The following DNMT1 variants were observed in gnomAD, a reference collection of about 807,000 sequenced individuals.
The protein encoded by DNMT1 is DNA methyltransferase 1, also known as DNA (cytosine-5)-methyltransferase 1.
Under a neutral mutation model 205.3 loss-of-function variants are expected in DNMT1, and 24 were observed. That is an observed-to-expected ratio of 0.12 (90% CI 0.08 to 0.16). DNMT1 has a LOEUF of 0.16. Ranked by LOEUF, DNMT1 falls within the 10% of genes least tolerant of loss-of-function variation. DNMT1 has a pLI of 1.00. For synonymous variants in DNMT1, 817 were observed against 839.8 expected (o/e 0.97, Z 0.47); for missense variants, 1,293 against 2,177.7 (o/e 0.59, Z 8.09).
rs536078563 is a variant in DNMT1, at chr19:10,145,905, TG to T, written c.2894+445del. On this transcript the variant is annotated intron_variant, in intron 28 of 40. Transcript: ENST00000359526. Reference sequence around the variant, plus strand: ...GTGCAGTGGCATGATCTTGGCTCACTGCAACCTCTGCCTCCCAGGTTCAAGT... The same window carrying T: ...GTGCAGTGGCATGATCTTGGCTCACTCAACCTCTGCCTCCCAGGTTCAAGT... Among the ~76,000 whole-genome samples, 222 of 152,306 alleles carry T rather than the reference TG, an allele frequency of 1.5e-3. 1 individual carries two copies. Among genetic ancestry groups the T allele is most frequent in the African/African-American group, 5.1e-3 (211 of 41,576 alleles).
At chr19:10,172,129 T>TA (rs2038832225) in intron 9 of DNMT1, among the ~76,000 whole-genome samples, 1 of 151,946 alleles carries the variant, frequency 6.6e-6, no homozygotes, top group African/African-American at 2.4e-5. Flanking sequence ...TTGAAAAGTA[T>TA]TTTAGGCCGG....
chr19:10,168,455 T>C, intron 9 of DNMT1, 91 bp from the exon 10 acceptor site: 1 of 1,350,980 alleles, frequency 7.4e-7, no homozygotes, highest in Non-Finnish European at 1.1e-6. Flanking sequence ...ACACCTGAAC[T>C]GATTCTAGAG....
chr19:10,146,237 G>T lies in DNMT1; in HGVS notation c.2894+114C>A. On this transcript the variant is annotated intron_variant, in intron 28 of 40. Coordinates refer to ENST00000359526, the MANE Select transcript of DNMT1 (RefSeq NM_001130823.3). The surrounding 1 kb of genome is among the most constrained non-coding windows in gnomAD (Gnocchi z 4.4). Reference sequence around the variant, plus strand: ...GCCACCTATGCCAACGTGACGGCTAGGACAACAGCTGGTGCGGAGGGATTG... The same window carrying T: ...GCCACCTATGCCAACGTGACGGCTATGACAACAGCTGGTGCGGAGGGATTG... The T allele has an allele frequency of 7.6e-7, 1 of 1,308,642 alleles. No individual in the cohort carries two copies. Among genetic ancestry groups the T allele is most frequent in the Non-Finnish European group, 1.1e-6 (1 of 945,064 alleles). 81.1% of individuals were successfully genotyped at this position (1,308,642 alleles called of 1,614,324 possible).
chr19:10,139,340 A>G (rs2089556232), intron 34 of DNMT1, among the ~76,000 whole-genome samples: 1 of 152,214 alleles, frequency 6.6e-6, no homozygotes, highest in Non-Finnish European at 1.5e-5. Context: ...CGCTCTGTGC[A>G]GACTCAGCCA....
At chr19:10,161,302 T>A (rs1163087653) in intron 13 of DNMT1, among the ~76,000 whole-genome samples, 1 of 150,252 alleles carries the variant, frequency 6.7e-6, no homozygotes, top group Non-Finnish European at 1.5e-5. Flanking sequence ...AGACTCTGTC[T>A]CAAAAAACAA....
intron 1 of DNMT1, among the ~76,000 whole-genome samples, chr19:10,187,518 T>C (rs1271970681): frequency 2.6e-5 from 4 of 151,742 alleles, no homozygotes; most frequent in Admixed American, 2.0e-4. Context: ...GGAGGATCAC[T>C]AGAGCTCAGG....
intron 13 of DNMT1, among the ~76,000 whole-genome samples, chr19:10,162,289 C>T (rs2038584806): frequency 6.6e-6 from 1 of 151,130 alleles, no homozygotes; most frequent in African/African-American, 2.4e-5. Context: ...CAGGCATATG[C>T]CACCACGCCC....
chr19:10,194,237 G>GAGT (rs1362000426), intron 1 of DNMT1, among the ~76,000 whole-genome samples: 9 of 152,324 alleles, frequency 5.9e-5, no homozygotes, highest in South Asian at 4.1e-4. Context: ...CTGACAGAAT[G>GAGT]AGTACCCCAC....
chr19:10,187,143 C>T (rs2039202069), intron 1 of DNMT1, among the ~76,000 whole-genome samples: 1 of 151,744 alleles, frequency 6.6e-6, no homozygotes, highest in Admixed American at 6.6e-5. Context: ...CATCTTGTTC[C>T]ATAGTTAACA....
intron 1 of DNMT1, among the ~76,000 whole-genome samples, chr19:10,190,958 C>G (rs2039291768): frequency 1.3e-5 from 2 of 151,606 alleles, no homozygotes; most frequent in Admixed American, 1.3e-4. Flanking sequence ...AATAAAAATA[C>G]AAAAATTACC....
Position 10,140,287 on chromosome 19 carries a change from C to T in DNMT1, c.3565G>A (p.Ala1189Thr), listed in dbSNP as rs1838918100. 1 of 1,613,996 alleles carries T rather than the reference C, an allele frequency of 6.2e-7. No homozygotes were observed. Among genetic ancestry groups the T allele is most frequent in the Non-Finnish European group, 8.5e-7 (1 of 1,180,018 alleles). Residue 1189 changes from alanine to threonine, a missense_variant, in exon 33 of 41, where the codon GCG becomes ACG. By Grantham distance (58) the Ala-to-Thr change is moderately conservative (BLOSUM62 0). Coordinates refer to ENST00000359526, the MANE Select transcript of DNMT1 (RefSeq NM_001130823.3). The surrounding 1 kb of genome is among the most constrained non-coding windows in gnomAD (Gnocchi z 8.4). ...TLWAIEMWDPAAQAFRLNNPG... is the reference protein window; with the variant it reads ...TLWAIEMWDPTAQAFRLNNPG... ...TTGTTCAGCCGGAACGCCTGGGCCG[C>T]AGGGTCCCACATCTCGATGGCCCAC...
chr19:10,137,054 C>T lies in DNMT1; in HGVS notation c.4489+31G>A. On this transcript the variant is annotated intron_variant, in intron 37 of 40. Transcript: ENST00000359526. The surrounding 1 kb of genome is among the most constrained non-coding windows in gnomAD (Gnocchi z 6.4). ...AGGGCTCTGCCTTCCTTCCCCTCAGCCCACCGGGAACCACAACTTACAGGA... is the reference window on the plus strand; with the variant it reads ...AGGGCTCTGCCTTCCTTCCCCTCAGTCCACCGGGAACCACAACTTACAGGA... 1.2e-6 allele frequency: 2 copies of T among 1,603,326 alleles called. No homozygotes were observed. Among genetic ancestry groups the T allele is most frequent in the Non-Finnish European group, 1.7e-6 (2 of 1,175,634 alleles).
rs374856119 is a variant in DNMT1 at position 10,173,164 on chromosome 19, G to T, written c.694C>A (p.Pro232Thr). 2.6e-5 allele frequency: 42 copies of T among 1,614,096 alleles called. No individual in the cohort carries two copies. Among genetic ancestry groups the T allele is most frequent in the Non-Finnish European group, 3.5e-5 (41 of 1,180,036 alleles). ...CTTTCAGGTTCTTCTGCAGGAAGCG[G>T]TCTAGCAACTCTGTCAAGCAAAATA... ...RVTSRERVAR[P>T]LPAEEPERAK... Residue 232 changes from proline to threonine, a missense_variant, in exon 9 of 41, where the codon CCG (proline) becomes ACG (threonine). Physicochemically the swap from Pro to Thr is conservative, Grantham distance 38. Coordinates refer to ENST00000359526, the MANE Select transcript of DNMT1 (RefSeq NM_001130823.3).
In DNMT1 at chr19:10,143,866, G is replaced by C; in HGVS notation, c.3016C>G (p.Pro1006Ala). ...IKGSNLDAPE[P>A]YRIGRIKEIF... ...TCTTTGATCCGGCCAATTCGGTAGGGCTCAGGGGCATCCAGGTTGCTGCCT... is the reference window on the plus strand; with the variant it reads ...TCTTTGATCCGGCCAATTCGGTAGGCCTCAGGGGCATCCAGGTTGCTGCCT... The change falls in exon 29 of 41, where the codon CCC (proline) becomes GCC (alanine). Residue 1006 changes from proline to alanine, a missense_variant. By Grantham distance (27) the Pro-to-Ala change is conservative. Coordinates refer to ENST00000359526, the MANE Select transcript of DNMT1 (RefSeq NM_001130823.3). 6.2e-7 allele frequency: 1 copy of C among 1,614,178 alleles called. No individual in the cohort carries two copies. The highest frequency in any genetic ancestry group is 8.5e-7 in the Non-Finnish European group (1 of 1,180,040).
chr19:10,192,963 C>T (rs184079343), intron 1 of DNMT1, among the ~76,000 whole-genome samples: 17 of 152,250 alleles, frequency 1.1e-4, no homozygotes, highest in African/African-American at 4.1e-4. Context: ...AGGAGAATCA[C>T]TTGAACCCTG....
chr19:10,194,238 A>C (rs2039358045), intron 1 of DNMT1, among the ~76,000 whole-genome samples: 1 of 152,206 alleles, frequency 6.6e-6, no homozygotes, highest in African/African-American at 2.4e-5. Context: ...TGACAGAATG[A>C]GTACCCCACG....
At chr19:10,181,959 A>T in intron 2 of DNMT1, 82 bp downstream of exon 2, 3 of 1,313,236 alleles carry the variant, frequency 2.3e-6, no homozygotes, top group Non-Finnish European at 3.3e-6. Context: ...AAATCCATTT[A>T]AAGAAAACAA....
intron 24 of DNMT1, 123 bp from the exon 25 acceptor site, chr19:10,150,091 G>T (rs948449436): frequency 5.9e-6 from 5 of 849,832 alleles, no homozygotes; most frequent in Middle Eastern, 2.2e-4. Flanking sequence ...TCAATGAAGA[G>T]TTGCTGCTAA....
Position 10,134,225 on chromosome 19 carries a change from C to T in DNMT1, c.4856G>A (p.Ser1619Asn), listed in dbSNP as rs1442469317. Residue 1619 changes from serine to asparagine, a missense_variant, in exon 40 of 41, where the codon AGT (serine) becomes AAT (asparagine). Physicochemically the swap from Ser to Asn is conservative, Grantham distance 46. Transcript: ENST00000359526. ...KLCMLAKARE[S>N]ASAKIKEEEA... ...GGCCCACCCCACCATACCTGAGGCACTCTCTCGGGCTTTGGCCAACATACA... is the reference window on the plus strand; with the variant it reads ...GGCCCACCCCACCATACCTGAGGCATTCTCTCGGGCTTTGGCCAACATACA... 11 of 1,614,126 alleles carry T rather than the reference C, an allele frequency of 6.8e-6. No homozygotes were observed. Among genetic ancestry groups the T allele is most frequent in the Non-Finnish European group, 9.3e-6 (11 of 1,180,060 alleles).
Sources: gnomAD v4.1 joint callset for allele counts (sites outside exome capture counted in the v4.1 genomes callset) on GRCh38, gnomAD v4.1.1 for gene constraint, Gnocchi (gnomAD v3.1) non-coding constraint, MANE v1.5 for transcripts, NCBI Gene and HGNC (gene_info 2026-07-23, HGNC 2026-07-21) for gene names.